The following PHACTR1 variants were observed in gnomAD, a reference collection of about 807,000 sequenced individuals.
PHACTR1 encodes phosphatase and actin regulator 1.
PHACTR1 carries 16 observed loss-of-function variants against 69.2 expected under a neutral mutation model. That is an observed-to-expected ratio of 0.23 (90% CI 0.16 to 0.35). PHACTR1 has a LOEUF of 0.35. Ranked by LOEUF, PHACTR1 falls within the 10% of genes least tolerant of loss-of-function variation. The pLI is 1.00. For synonymous variants in PHACTR1, 312 were observed against 284.5 expected (o/e 1.10, Z -0.97); for missense variants, 510 against 734.7 (o/e 0.69, Z 3.54).
At chr6:12,739,386 G>A (rs1191985253) in intron 3 of PHACTR1, among the ~76,000 whole-genome samples, 2 of 152,110 alleles carry the variant, frequency 1.3e-5, no homozygotes, top group Non-Finnish European at 2.9e-5. Flanking sequence ...TATAAAGACA[G>A]CCCAAGTCAT....
chr6:13,053,265 C>T lies in PHACTR1; in HGVS notation c.251-100C>T, dbSNP rs190254277. On this transcript the variant is annotated intron_variant, in intron 4 of 14. Coordinates refer to ENST00000332995, the MANE Select transcript of PHACTR1 (RefSeq NM_030948.6). ...AAGAGAAACTCTAGTCACGTGGTTT[C>T]TGTTATCTGTAACCATGGAAAACGT... The T allele has an allele frequency of 4.0e-6, 5 of 1,247,676 alleles. No individual in the cohort carries two copies. The African/African-American group carries it at 6.1e-5, about 15-fold the overall frequency. The allele number at this position is 1,247,676 out of a possible 1,614,324, so 77.3% of individuals were successfully genotyped here. A position where few individuals can be genotyped will look rare whatever the true frequency, so the allele number is the denominator to read the frequency against.
intron 4 of PHACTR1, among the ~76,000 whole-genome samples, chr6:12,813,531 A>G (rs966527133): frequency 2.6e-5 from 4 of 152,226 alleles, no homozygotes; most frequent in African/African-American, 9.6e-5. Flanking sequence ...TCCCTCTGCC[A>G]TTAGAGAAGT....
At chr6:13,269,143 G>T (rs1305629247) in intron 10 of PHACTR1, among the ~76,000 whole-genome samples, 1 of 151,932 alleles carries the variant, frequency 6.6e-6, no homozygotes, top group African/African-American at 2.4e-5. Flanking sequence ...TCCAAATGTA[G>T]GCGCCACCCA....
chr6:12,725,655 G>T lies in PHACTR1; in HGVS notation c.103+6808G>T, dbSNP rs142425884. On this transcript the variant is annotated intron_variant, in intron 3 of 14. Transcript: ENST00000332995. ...GAATTAAGTGAGGTATGCCTATAAA[G>T]TGTCTAGTACCTTGTCTATTGTTAT... Among the ~76,000 whole-genome samples the T allele has an allele frequency of 1.2e-3, 177 of 152,324 alleles. 2 individuals are homozygous for T. In the Middle Eastern group the frequency reaches 0.024, roughly 20 times the overall value.
Position 13,227,843 on chromosome 6 carries a change from T to C in PHACTR1, c.1014T>C (p.Thr338=). The change falls in exon 9 of 15, where the codon ACT becomes ACC. Residue 338 remains threonine (T), a synonymous_variant. Coordinates refer to ENST00000332995, the MANE Select transcript of PHACTR1 (RefSeq NM_030948.6). ...CTGAGCAGCGGGTCCCCTGTTCCAC[T>C]TCTTACCACAGCTCTGGGTTGCACT... is the stretch of plus-strand genomic sequence containing the variant. ...ESSEQRVPCS[T]SYHSSGLHSG... The C allele has an allele frequency of 1.9e-6, 3 of 1,614,026 alleles. No individual in the cohort carries two copies. The highest frequency in any genetic ancestry group is 2.5e-6 in the Non-Finnish European group (3 of 1,179,864).
At chr6:12,895,260 C>T (rs1350492848) in intron 4 of PHACTR1, among the ~76,000 whole-genome samples, 1 of 148,476 alleles carries the variant, frequency 6.7e-6, no homozygotes, top group African/African-American at 2.5e-5. Flanking sequence ...CGGCAAACTG[C>T]AGCCTCTGCC....
intron 4 of PHACTR1, among the ~76,000 whole-genome samples, chr6:13,027,665 G>C (rs1235096071): frequency 4.4e-5 from 6 of 137,240 alleles, no homozygotes; most frequent in Non-Finnish European, 9.6e-5. Flanking sequence ...GCACAGGATG[G>C]TAACAATAAT....
intron 4 of PHACTR1, among the ~76,000 whole-genome samples, chr6:12,890,400 C>A (rs572121643): frequency 6.6e-6 from 1 of 152,094 alleles, no homozygotes; most frequent in African/African-American, 2.4e-5. Context: ...AGTTGCAAGG[C>A]GGACTATGAG....
intron 4 of PHACTR1, among the ~76,000 whole-genome samples, chr6:12,784,315 TAC>T (rs1771221586): frequency 6.6e-6 from 1 of 150,392 alleles, no homozygotes; most frequent in South Asian, 2.1e-4. Context: ...TATATATCTA[TAC>T]ACACATATAC....
At chr6:13,103,885 A>G (rs2127871094) in intron 5 of PHACTR1, among the ~76,000 whole-genome samples, 1 of 152,192 alleles carries the variant, frequency 6.6e-6, no homozygotes, top group East Asian at 1.9e-4. Context: ...GGAGGCTGAA[A>G]CCAGCCTGGC....
intron 6 of PHACTR1, among the ~76,000 whole-genome samples, chr6:13,180,856 C>G (rs1207820428): frequency 1.3e-5 from 2 of 152,206 alleles, no homozygotes; most frequent in Non-Finnish European, 2.9e-5. Context: ...ACTCCCAGTT[C>G]ATCTGTGTGA....
chr6:12,964,320 GA>G (rs926411822), intron 4 of PHACTR1, among the ~76,000 whole-genome samples: 13 of 151,876 alleles, frequency 8.6e-5, no homozygotes, highest in African/African-American at 1.9e-4. Flanking sequence ...CATGAGAACA[GA>G]AAAAAAAGAT....
chr6:12,801,434 G>A (rs1429296804), intron 4 of PHACTR1, among the ~76,000 whole-genome samples: 1 of 152,162 alleles, frequency 6.6e-6, no homozygotes, highest in Non-Finnish European at 1.5e-5. Context: ...TCAAAAGAAT[G>A]TAGGCAAACT....
chr6:12,907,345 A>G (rs1785855060), intron 4 of PHACTR1, among the ~76,000 whole-genome samples: 1 of 152,256 alleles, frequency 6.6e-6, no homozygotes, highest in South Asian at 2.1e-4. Context: ...TAAGGGAAGA[A>G]GGAGAGAAGT....
intron 5 of PHACTR1, among the ~76,000 whole-genome samples, chr6:13,088,518 T>C (rs1432786611): frequency 6.6e-6 from 1 of 152,166 alleles, no homozygotes; most frequent in Non-Finnish European, 1.5e-5. Context: ...ATTCCCAAAC[T>C]TTTTTTGAGT....
chr6:13,181,964 T>G (rs1200910783), intron 6 of PHACTR1, among the ~76,000 whole-genome samples: 2 of 152,240 alleles, frequency 1.3e-5, no homozygotes, highest in Non-Finnish European at 2.9e-5. Context: ...CCGGGCGCGG[T>G]GGCTTATGCC....
intron 4 of PHACTR1, among the ~76,000 whole-genome samples, chr6:13,026,700 T>C (rs1386770786): frequency 2.6e-5 from 4 of 151,768 alleles, no homozygotes; most frequent in Non-Finnish European, 5.9e-5. Context: ...CATCTCAAGG[T>C]GAAAGCGCAG....
At chr6:12,824,268 T>C (rs1310377249) in intron 4 of PHACTR1, among the ~76,000 whole-genome samples, 4 of 152,178 alleles carry the variant, frequency 2.6e-5, no homozygotes, top group African/African-American at 4.8e-5. Context: ...CCATCTTGTT[T>C]CAAGAAAGCA....
intron 10 of PHACTR1, among the ~76,000 whole-genome samples, chr6:13,236,071 C>A (rs1294108133): frequency 6.6e-6 from 1 of 151,338 alleles, no homozygotes; most frequent in African/African-American, 2.4e-5. Context: ...CACCCTCCTA[C>A]TCAGGAATGA....
Sources: gnomAD v4.1 joint callset for allele counts (sites outside exome capture counted in the v4.1 genomes callset) on GRCh38, gnomAD v4.1.1 for gene constraint, MANE v1.5 for transcripts, NCBI Gene and HGNC (gene_info 2026-07-23, HGNC 2026-07-21) for gene names.